Variants in ARMH3 observed in about 807,000 individuals in gnomAD.
The protein encoded by ARMH3 is armadillo-like helical domain-containing protein 3.
A neutral mutation model predicts 99.1 loss-of-function variants in ARMH3; 60 were observed. That is an observed-to-expected ratio of 0.61 (90% confidence interval 0.49 to 0.75). ARMH3 has a LOEUF of 0.75. Among genes scored for constraint, ARMH3 ranks in the 30% least tolerant of loss-of-function variants. The pLI is 0.00. For missense variants in ARMH3, 679 were observed against 843.1 expected, an observed-to-expected ratio of 0.81 and a Z score of 2.41; for synonymous variants, 285 against 292.8, an observed-to-expected ratio of 0.97 and a Z score of 0.27.
chr10:101,985,126 T>TAC (rs1846417588), intron 19 of ARMH3, among the ~76,000 whole-genome samples: 1 of 150,094 alleles, frequency 6.7e-6, no homozygotes, highest in Non-Finnish European at 1.5e-5. Flanking sequence ...TACATATATA[T>TAC]ACACACATGT....
intron 23 of ARMH3, among the ~76,000 whole-genome samples, chr10:101,925,161 C>G (rs1379415056): frequency 1.3e-5 from 2 of 152,192 alleles, no homozygotes; most frequent in African/African-American, 2.4e-5. Flanking sequence ...CTCAAGTTTG[C>G]TATGAACCAA....
intron 19 of ARMH3, among the ~76,000 whole-genome samples, chr10:101,980,299 T>C (rs1235659653): frequency 6.6e-6 from 1 of 152,080 alleles, no homozygotes; most frequent in Non-Finnish European, 1.5e-5. Context: ...TCGGGGGTTT[T>C]GTTTTGTTTT....
chr10:101,958,782 A>G (rs1025439565), intron 20 of ARMH3, among the ~76,000 whole-genome samples: 1 of 152,156 alleles, frequency 6.6e-6, no homozygotes, highest in Non-Finnish European at 1.5e-5. Flanking sequence ...TACTACTCTT[A>G]AAGTAGAGAT....
chr10:101,929,199 T>C (rs1344606108), intron 23 of ARMH3, among the ~76,000 whole-genome samples: 1 of 152,256 alleles, frequency 6.6e-6, no homozygotes, highest in Non-Finnish European at 1.5e-5. Context: ...ATTATTCCTG[T>C]TACTTTTGTA....
intron 23 of ARMH3, among the ~76,000 whole-genome samples, chr10:101,932,443 T>C (rs1359957560): frequency 2.0e-5 from 3 of 152,114 alleles, no homozygotes; most frequent in Non-Finnish European, 4.4e-5. Flanking sequence ...AAGCAGAGTC[T>C]CAAAGAGATT....
intron 5 of ARMH3, among the ~76,000 whole-genome samples, chr10:102,027,475 A>C (rs2067026476): frequency 2.0e-5 from 3 of 152,056 alleles, no homozygotes; most frequent in African/African-American, 7.2e-5. Flanking sequence ...CTGTGAAGAC[A>C]GCTGCTCCCA....
chr10:101,908,977 A>G (rs1842758848), intron 23 of ARMH3, among the ~76,000 whole-genome samples: 2 of 151,930 alleles, frequency 1.3e-5, no homozygotes, highest in Admixed American at 1.3e-4. Context: ...TATTATTTTA[A>G]TTATAATTAA....
intron 19 of ARMH3, among the ~76,000 whole-genome samples, chr10:101,978,394 T>C (rs1590121620): frequency 6.6e-6 from 1 of 152,108 alleles, no homozygotes; most frequent in Non-Finnish European, 1.5e-5. Context: ...AGAATATTGA[T>C]AAAAATAAAA....
chr10:101,922,457 G>T (rs1843342048), intron 23 of ARMH3, among the ~76,000 whole-genome samples: 1 of 152,042 alleles, frequency 6.6e-6, no homozygotes, highest in Non-Finnish European at 1.5e-5. Flanking sequence ...TTGCTATGTT[G>T]CCCAGGCTGG....
chr10:101,881,795 G>C (rs2067426587), intron 24 of ARMH3, among the ~76,000 whole-genome samples: 1 of 152,154 alleles, frequency 6.6e-6, no homozygotes, highest in Non-Finnish European at 1.5e-5. Context: ...TGACTTGCTA[G>C]AACTATTTTC....
At chr10:101,916,117 T>C (rs1590017151) in intron 23 of ARMH3, among the ~76,000 whole-genome samples, 1 of 152,076 alleles carries the variant, frequency 6.6e-6, no homozygotes, top group East Asian at 1.9e-4. Flanking sequence ...CCAAGTCTTA[T>C]AATACACAGT....
intron 14 of ARMH3, among the ~76,000 whole-genome samples, chr10:102,006,028 T>C (rs2066478379): frequency 6.6e-6 from 1 of 152,254 alleles, no homozygotes; most frequent in South Asian, 2.1e-4. Flanking sequence ...CATTTAGTAG[T>C]AAACAAAATA....
Position 101,963,551 on chromosome 10 carries a change from A to G in ARMH3, c.1496-5819T>C, listed in dbSNP as rs568405580. Among the ~76,000 whole-genome samples the G allele has an allele frequency of 3.3e-5, 5 of 152,276 alleles. No individual in the cohort carries two copies. The South Asian group carries it at 1.0e-3, about 32-fold the overall frequency. ...CCTACAAAGTGCTGACATTACAGGCATGAGCCACTGTGCCTGGCCTATTTA... is the reference window on the plus strand; with the variant it reads ...CCTACAAAGTGCTGACATTACAGGCGTGAGCCACTGTGCCTGGCCTATTTA... On this transcript the variant is annotated intron_variant, in intron 20 of 25. Transcript: ENST00000370033.
At chr10:101,977,861 ACC>A in intron 19 of ARMH3, among the ~76,000 whole-genome samples, 1 of 152,216 alleles carries the variant, frequency 6.6e-6, no homozygotes, top group South Asian at 2.1e-4. Flanking sequence ...GAAGATCCTC[ACC>A]CAGATGTAGC....
chr10:102,002,188 C>G, intron 14 of ARMH3, 116 bp from the exon 15 acceptor site: 1 of 1,464,440 alleles, frequency 6.8e-7, no homozygotes, highest in Non-Finnish European at 9.2e-7. Flanking sequence ...TTTTCCACAA[C>G]AGAGGGAGGA....
At chr10:102,008,171 A>G (rs967112388) in intron 13 of ARMH3, among the ~76,000 whole-genome samples, 20 of 152,340 alleles carry the variant, frequency 1.3e-4, no homozygotes, top group African/African-American at 4.1e-4. Flanking sequence ...TAAAGTCTCT[A>G]TGTTATCAGT....
chr10:101,976,439 C>A (rs1216937218), intron 19 of ARMH3, among the ~76,000 whole-genome samples: 2 of 149,958 alleles, frequency 1.3e-5, no homozygotes. Context: ...CAATCACATA[C>A]TGCTTGTGCT....
chr10:101,932,660 G>A lies in ARMH3; in HGVS notation c.1781+7203C>T, dbSNP rs77005041. Among the ~76,000 whole-genome samples, 1,671 of 152,326 alleles carry A rather than the reference G, an allele frequency of 0.011. 68 individuals are homozygous for A. The East Asian group carries it at 0.15, about 14-fold the overall frequency. On this transcript the variant is annotated intron_variant, in intron 23 of 25. Coordinates refer to ENST00000370033, the MANE Select transcript of ARMH3 (RefSeq NM_024541.3). ...ATATTAGGCAAAATAATCCAGTCACGAAGGACAAATATTTTATAATTCCTC... is the reference window on the plus strand; with the variant it reads ...ATATTAGGCAAAATAATCCAGTCACAAAGGACAAATATTTTATAATTCCTC...
chr10:102,035,834 G>A (rs1380431741), intron 2 of ARMH3, among the ~76,000 whole-genome samples: 1 of 152,228 alleles, frequency 6.6e-6, no homozygotes. Flanking sequence ...ACCCCGACTG[G>A]GAAGTGAGGA....
Sources: gnomAD v4.1 joint callset for allele counts (sites outside exome capture counted in the v4.1 genomes callset) on GRCh38, gnomAD v4.1.1 for gene constraint, MANE v1.5 for transcripts, NCBI Gene and HGNC (gene_info 2026-07-23, HGNC 2026-07-21) for gene names.